The following SLC24A2 variants were observed in gnomAD, a reference collection of about 807,000 sequenced individuals.
SLC24A2 encodes the protein solute carrier family 24 member 2, also known as sodium/potassium/calcium exchanger 2.
In SLC24A2, 36 loss-of-function variants were observed where a neutral mutation model predicts 62.0. The ratio of observed to expected loss-of-function variants is 0.58; its 90% CI spans 0.44 to 0.77. The LOEUF (loss-of-function observed/expected upper bound fraction) is 0.77. Ranked by LOEUF, SLC24A2 falls within the 30% of genes least tolerant of loss-of-function variation. The probability of loss-of-function intolerance (pLI) is 0.00; values close to 1 mark genes in which losing one functional copy is unlikely to be tolerated. For synonymous variants in SLC24A2, 358 were observed against 294.0 expected, an observed-to-expected ratio of 1.22 and a Z score of -2.23; for missense variants, 846 against 817.9, an observed-to-expected ratio of 1.03 and a Z score of -0.42.
intron 2 of SLC24A2, among the ~76,000 whole-genome samples, chr9:19,694,689 A>T (rs1820134614): frequency 6.6e-6 from 1 of 152,200 alleles, no homozygotes; most frequent in Non-Finnish European, 1.5e-5. Context: ...ATGCACAAAG[A>T]TAAACTTCAT....
At chr9:19,917,899 C>A in the SLC24A2 span, among the ~76,000 whole-genome samples, 6 of 152,022 alleles carry the variant, frequency 3.9e-5, no homozygotes, top group African/African-American at 1.4e-4. Flanking sequence ...TAAGTGTGGA[C>A]AAAGGGAATA....
chr9:19,941,556 AGTGTGTGTGTGT>A, the SLC24A2 span, among the ~76,000 whole-genome samples: 1 of 134,074 alleles, frequency 7.5e-6, no homozygotes, highest in African/African-American at 2.8e-5. Context: ...GAGGACTGGG[AGTGTGTGTGTGT>A]GTGTGTGTGT....
chr9:19,533,376 T>A (rs1397089758), intron 8 of SLC24A2, among the ~76,000 whole-genome samples: 2 of 152,200 alleles, frequency 1.3e-5, no homozygotes, highest in Non-Finnish European at 2.9e-5. Flanking sequence ...ACTGCAAAAA[T>A]GGGCACAATA....
At chr9:19,566,190 G>A (rs1436198481) in intron 7 of SLC24A2, among the ~76,000 whole-genome samples, 1 of 150,996 alleles carries the variant, frequency 6.6e-6, no homozygotes, top group Non-Finnish European at 1.5e-5. Flanking sequence ...CCTACAGAAT[G>A]GGAGAAAATT....
chr9:19,982,598 C>G, the SLC24A2 span, among the ~76,000 whole-genome samples: 2 of 152,102 alleles, frequency 1.3e-5, no homozygotes, highest in Non-Finnish European at 2.9e-5. Context: ...GCGAATTCTA[C>G]CAGACATTTA....
chr9:19,763,442 T>C (rs775568183), intron 2 of SLC24A2, among the ~76,000 whole-genome samples: 3 of 152,240 alleles, frequency 2.0e-5, no homozygotes, highest in African/African-American at 4.8e-5. Flanking sequence ...AGTATGATAT[T>C]GGCTGTGAGT....
At chr9:19,887,852 T>C in the SLC24A2 span, among the ~76,000 whole-genome samples, 1 of 152,194 alleles carries the variant, frequency 6.6e-6, no homozygotes, top group Non-Finnish European at 1.5e-5. Flanking sequence ...TTAATGACTT[T>C]CACAACAACC....
At chr9:19,867,026 T>G in the SLC24A2 span, among the ~76,000 whole-genome samples, 1 of 152,118 alleles carries the variant, frequency 6.6e-6, no homozygotes, top group African/African-American at 2.4e-5. Context: ...TGGTCAATAA[T>G]AATAATTTAA....
At chr9:20,113,260 G>T in the SLC24A2 span, among the ~76,000 whole-genome samples, 1 of 152,098 alleles carries the variant, frequency 6.6e-6, no homozygotes, top group African/African-American at 2.4e-5. Flanking sequence ...CTCTATGCCC[G>T]CACTCCCTGG....
At chr9:20,086,649 C>T in the SLC24A2 span, among the ~76,000 whole-genome samples, 1 of 152,148 alleles carries the variant, frequency 6.6e-6, no homozygotes, top group Admixed American at 6.5e-5. Flanking sequence ...TTGTCTCAGC[C>T]TCATGTATCT....
At chr9:19,710,854 A>G (rs1429561793) in intron 2 of SLC24A2, among the ~76,000 whole-genome samples, 2 of 152,190 alleles carry the variant, frequency 1.3e-5, no homozygotes, top group Non-Finnish European at 2.9e-5. Flanking sequence ...GAACACAGGG[A>G]CAAATGATCC....
At chr9:20,117,792 C>G in the SLC24A2 span, among the ~76,000 whole-genome samples, 2 of 152,132 alleles carry the variant, frequency 1.3e-5, no homozygotes, top group Non-Finnish European at 2.9e-5. Context: ...TGTGTCAAAA[C>G]TTATGCTGAG....
At chr9:20,016,798 G>T in the SLC24A2 span, among the ~76,000 whole-genome samples, 1 of 152,218 alleles carries the variant, frequency 6.6e-6, no homozygotes, top group East Asian at 1.9e-4. Flanking sequence ...GCTGTGAAAA[G>T]CAGTTCTCTG....
At position 19,577,027 on chromosome 9, in the gene SLC24A2, A is replaced by G. The variant is rs1301631565; in HGVS notation, c.1130-5T>C. ...AAGCCTTTTCTCTGAACCTCCCTGA[A>G]GCAAAAGAAAGTGGCAGGAAGGAGA... On this transcript the variant is annotated splice_region_variant and splice_polypyrimidine_tract_variant and intron_variant, in intron 5 of 10. Transcript: ENST00000341998. The G allele has an allele frequency of 1.2e-6, 2 of 1,611,584 alleles. No individual in the cohort carries two copies. Among genetic ancestry groups the G allele is most frequent in the African/African-American group, 2.7e-5 (2 of 74,876 alleles).
the SLC24A2 span, among the ~76,000 whole-genome samples, chr9:19,838,952 CA>C: frequency 6.6e-6 from 1 of 151,976 alleles, no homozygotes; most frequent in Non-Finnish European, 1.5e-5. Context: ...AGTGAACAGG[CA>C]ACCTACAGAA....
chr9:19,833,229 G>T, the SLC24A2 span, among the ~76,000 whole-genome samples: 1 of 152,162 alleles, frequency 6.6e-6, no homozygotes, highest in Non-Finnish European at 1.5e-5. Context: ...GACACTGGGT[G>T]CAGGACAGTG....
intron 3 of SLC24A2, among the ~76,000 whole-genome samples, chr9:19,620,211 C>T (rs1587048933): frequency 1.3e-5 from 2 of 152,146 alleles, no homozygotes; most frequent in South Asian, 4.1e-4. Flanking sequence ...GGCATCTATG[C>T]CCATATCTGC....
chr9:19,943,326 C>T, the SLC24A2 span, among the ~76,000 whole-genome samples: 2 of 152,074 alleles, frequency 1.3e-5, no homozygotes, highest in African/African-American at 2.4e-5. Context: ...CATGTACTCA[C>T]CCCTAATTAC....
intron 8 of SLC24A2, among the ~76,000 whole-genome samples, chr9:19,538,238 A>G (rs1419137450): frequency 1.5e-5 from 2 of 129,876 alleles, no homozygotes; most frequent in Non-Finnish European, 3.2e-5. Context: ...TTCCAACACT[A>G]TGTTGAATAG....
Sources: allele counts gnomAD v4.1 joint callset (sites outside exome capture counted in the v4.1 genomes callset), GRCh38; gene constraint gnomAD v4.1.1; transcripts MANE v1.5; gene names NCBI Gene and HGNC (gene_info 2026-07-23, HGNC 2026-07-21).